The following GCFC2 variants were observed in gnomAD, a reference collection of about 807,000 sequenced individuals.
The protein encoded by GCFC2 is GC-rich sequence DNA-binding factor 2.
GCFC2 carries 102 observed loss-of-function variants against 99.4 expected under a neutral mutation model. That is an observed-to-expected ratio of 1.03 (90% CI 0.87 to 1.21). The LOEUF (loss-of-function observed/expected upper bound fraction) is 1.21. Ranked by LOEUF, GCFC2 falls within the 50% of genes most tolerant of loss-of-function variation. The pLI is 0.00. For missense variants in GCFC2, 973 were observed against 920.9 expected (o/e 1.06, Z -0.73); for synonymous variants, 338 against 316.8 (o/e 1.07, Z -0.71).
intron 5 of GCFC2, among the ~76,000 whole-genome samples, chr2:75,695,251 G>C (rs1430537666): frequency 3.3e-5 from 5 of 152,002 alleles, no homozygotes; most frequent in Non-Finnish European, 1.5e-5. Flanking sequence ...TTTTCATGCT[G>C]TAACATAGAG....
chr2:75,697,791 G>C (rs1324197011), intron 4 of GCFC2: 1 of 152,266 alleles, frequency 6.6e-6, no homozygotes, highest in Non-Finnish European at 1.5e-5. Flanking sequence ...GGGAATTTTG[G>C]GACACAAGAG....
chr2:75,683,771 C>CAAAAAAAAAAAAAAAAA (rs749580096), intron 11 of GCFC2, among the ~76,000 whole-genome samples: 166 of 60,246 alleles, frequency 2.8e-3, no homozygotes, highest in African/African-American at 5.2e-3. Flanking sequence ...AAATGGAAAG[C>CAAAAAAAAAAAAAAAAA]AAAAAAAAAA....
At position 75,702,288 on chromosome 2, in the gene GCFC2, T is replaced by C. The variant is rs776837194; in HGVS notation, c.530A>G (p.Asp177Gly). The change falls in exon 3 of 17, where the codon GAC becomes GGC. Residue 177 changes from aspartate to glycine, a missense_variant. Physicochemically the swap from Asp to Gly is moderately conservative, Grantham distance 94. Coordinates refer to ENST00000321027, the MANE Select transcript of GCFC2 (RefSeq NM_003203.5). The stretch of plus-strand genomic sequence containing the variant: ...ATGGTCATCAGGCTCACTCTCAGGG[T>C]CATCTTCGCTCTCTCTCTTCATACC... Reference protein sequence around the residue: ...ISGMKRESEDDPESEPDDHEK... With the variant: ...ISGMKRESEDGPESEPDDHEK... 8 of 1,613,734 alleles carry C rather than the reference T, an allele frequency of 5.0e-6. No homozygotes were observed. The highest frequency in any genetic ancestry group is 6.8e-6 in the Non-Finnish European group (8 of 1,179,610).
chr2:75,683,887 A>G (rs1349325933), intron 11 of GCFC2, among the ~76,000 whole-genome samples: 1 of 152,160 alleles, frequency 6.6e-6, no homozygotes, highest in Admixed American at 6.5e-5. Flanking sequence ...AGGGTATTAC[A>G]TAATGGTGAA....
At chr2:75,703,583 G>T (rs913906747) in intron 2 of GCFC2, among the ~76,000 whole-genome samples, 1 of 152,306 alleles carries the variant, frequency 6.6e-6, no homozygotes, top group African/African-American at 2.4e-5. Context: ...TTATAGATTA[G>T]TAATTATTTA....
chr2:75,673,265 G>A (rs1036544244), intron 13 of GCFC2, among the ~76,000 whole-genome samples, 179 bp downstream of exon 13: 5 of 151,322 alleles, frequency 3.3e-5, no homozygotes, highest in African/African-American at 4.9e-5. Flanking sequence ...CCGAGATCGC[G>A]CCACTGCACT....
At chr2:75,696,344 A>G (rs1461216942) in intron 4 of GCFC2, 29 bp from the exon 5 acceptor site, 2 of 940,028 alleles carry the variant, frequency 2.1e-6, no homozygotes, top group African/African-American at 1.7e-5. Context: ...ATTTTTACAA[A>G]ACCATTTATT....
chr2:75,670,601 C>T (rs1356322970), intron 14 of GCFC2: 3 of 195,908 alleles, frequency 1.5e-5, no homozygotes, highest in East Asian at 1.1e-4. Flanking sequence ...AAGTATAAGA[C>T]CACAGGACCA....
rs1477698777 is a variant in GCFC2 at position 75,706,606 on chromosome 2, T to C, written c.311A>G (p.His104Arg). Residue 104 changes from histidine (H) to arginine (R), a missense_variant, in exon 2 of 17, where the codon CAT becomes CGT. Transcript: ENST00000321027. ...DVSTDEEDKI[H>R]HSSESKDDQG... ...ATCATCCTTACTTTCTGAGGAGTGA[T>C]GTATTTTATCCTCTTCATCTGTGGA... The C allele has an allele frequency of 6.3e-7, 1 of 1,588,520 alleles. No homozygotes were observed. Among genetic ancestry groups the C allele is most frequent in the Non-Finnish European group, 8.6e-7 (1 of 1,156,782 alleles).
chr2:75,694,815 T>A (rs1307730878), intron 5 of GCFC2, among the ~76,000 whole-genome samples: 1 of 152,014 alleles, frequency 6.6e-6, no homozygotes, highest in African/African-American at 2.4e-5. Context: ...GAGCAGGGTA[T>A]ATAATGTCCT....
At chr2:75,686,832 T>TAAAA in intron 11 of GCFC2, among the ~76,000 whole-genome samples, 1 of 152,162 alleles carries the variant, frequency 6.6e-6, no homozygotes, top group African/African-American at 2.4e-5. Flanking sequence ...CGGATCCTTA[T>TAAAA]CAAGTACACA....
At chr2:75,706,941 A>G (rs777588033) in intron 1 of GCFC2, among the ~76,000 whole-genome samples, 2 of 152,234 alleles carry the variant, frequency 1.3e-5, no homozygotes, top group Non-Finnish European at 2.9e-5. Flanking sequence ...ACAAAAAATG[A>G]AGTAATATTT....
intron 3 of GCFC2, chr2:75,701,767 A>G (rs1680602747): frequency 6.0e-6 from 4 of 671,726 alleles, no homozygotes; most frequent in South Asian, 6.6e-5. Flanking sequence ...TAAATGAGAA[A>G]TATGAAAACA....
intron 4 of GCFC2, 25 bp downstream of exon 4, chr2:75,701,165 T>C (rs750924343): frequency 2.5e-6 from 3 of 1,178,566 alleles, no homozygotes; most frequent in South Asian, 1.2e-5. Flanking sequence ...AGGAATCTAA[T>C]ACACATGGGA....
chr2:75,676,430 C>T (rs1181822265), intron 12 of GCFC2, among the ~76,000 whole-genome samples: 1 of 151,940 alleles, frequency 6.6e-6, no homozygotes, highest in Non-Finnish European at 1.5e-5. Flanking sequence ...CCCACTTCCA[C>T]ATGACAATTT....
At chr2:75,696,080 CT>C (rs1354667009) in intron 5 of GCFC2, 119 bp downstream of exon 5, 73 of 498,246 alleles carry the variant, frequency 1.5e-4, no homozygotes, top group Middle Eastern at 5.5e-4. Flanking sequence ...ACAGGAGATC[CT>C]TTTTCCCCCC....
chr2:75,666,643 CTAAGAG>C (rs1215107470), intron 15 of GCFC2, among the ~76,000 whole-genome samples: 2 of 150,514 alleles, frequency 1.3e-5, no homozygotes, highest in Non-Finnish European at 2.9e-5. Context: ...CATTGTCATC[CTAAGAG>C]TAATACAAGA....
chr2:75,681,252 T>C (rs189285732), intron 11 of GCFC2, among the ~76,000 whole-genome samples: 11 of 152,198 alleles, frequency 7.2e-5, no homozygotes, highest in Admixed American at 1.3e-4. Flanking sequence ...TTGGGCCTGG[T>C]TGGACAGTGG....
chr2:75,696,416 G>A, intron 4 of GCFC2, 101 bp from the exon 5 acceptor site: 1 of 497,162 alleles, frequency 2.0e-6, no homozygotes, highest in Non-Finnish European at 3.7e-6. Flanking sequence ...GTCTCTTCAA[G>A]CTAAAAAATT....
Sources: gnomAD v4.1 joint callset for allele counts (sites outside exome capture counted in the v4.1 genomes callset) on GRCh38, gnomAD v4.1.1 for gene constraint, MANE v1.5 for transcripts, NCBI Gene and HGNC (gene_info 2026-07-23, HGNC 2026-07-21) for gene names.